The following PIAS3 variants were observed in gnomAD, a reference collection of about 807,000 sequenced individuals.
PIAS3 encodes the protein protein inhibitor of activated STAT 3.
Under a neutral mutation model 67.6 loss-of-function variants are expected in PIAS3, and 34 were observed. The observed-to-expected ratio is 0.50, with a 90% CI of 0.38 to 0.67. The LOEUF (loss-of-function observed/expected upper bound fraction) is 0.67. Among genes scored for constraint, PIAS3 ranks in the 30% least tolerant of loss-of-function variants. PIAS3 has a pLI of 0.00. For missense variants in PIAS3, 693 were observed against 791.6 expected, an observed-to-expected ratio of 0.88 and a Z score of 1.49; for synonymous variants, 341 against 313.8, an observed-to-expected ratio of 1.09 and a Z score of -0.92.
At position 145,849,128 on chromosome 1, in the gene PIAS3, C is replaced by T. The variant is rs1553733474; in HGVS notation, c.*318G>A. 1.3e-5 allele frequency: 3 copies of T among 229,148 alleles called. No individual in the cohort carries two copies. The highest frequency in any genetic ancestry group is 2.5e-5 in the Non-Finnish European group (3 of 118,676). The allele number at this position is 229,148 out of a possible 1,614,324, so 14.2% of individuals were successfully genotyped here. A position where few individuals can be genotyped will look rare whatever the true frequency, so the allele number is the denominator to read the frequency against. On this transcript the variant is annotated 3_prime_UTR_variant, in exon 14 of 14. Transcript: ENST00000393045. ...CAAGAGGCTCTAGACATAGTCAAGG[C>T]TGAGGGTTCAGCCCTTCTCCTAGCT...
chr1:145,853,664 G>A lies in PIAS3; in HGVS notation c.985C>T (p.Leu329=). The part of the protein sequence containing the change: ...TSLRVSLMCP[L]GKMRLTVPCR... Reference sequence around the variant, plus strand: ...GGGACAGTCAGGCGCATCTTCCCTAGCTGAGGAGAAGCAAGTTCTCTTGTC... The same window carrying A: ...GGGACAGTCAGGCGCATCTTCCCTAACTGAGGAGAAGCAAGTTCTCTTGTC... Residue 329 remains leucine, a splice_region_variant and synonymous_variant, in exon 9 of 14, where the codon CTA becomes TTA. Coordinates refer to ENST00000393045, the MANE Select transcript of PIAS3 (RefSeq NM_006099.3). 6.2e-7 allele frequency: 1 copy of A among 1,613,474 alleles called. No homozygotes were observed. Among genetic ancestry groups the A allele is most frequent in the South Asian group, 1.1e-5 (1 of 91,036 alleles).
intron 3 of PIAS3, 66 bp from the exon 4 acceptor site, chr1:145,856,184 A>C (rs1194311243): frequency 9.1e-6 from 13 of 1,425,964 alleles, no homozygotes; most frequent in Non-Finnish European, 1.2e-5. Flanking sequence ...GTGAATGCAC[A>C]GAAAGGCTGA....
intron 4 of PIAS3, 70 bp downstream of exon 4, chr1:145,855,998 T>C (rs1570778252): frequency 7.8e-7 from 1 of 1,275,136 alleles, no homozygotes; most frequent in Non-Finnish European, 1.1e-6. Context: ...CTCGTAAGGG[T>C]ATCTGTCATA....
chr1:145,849,242 C>T lies in PIAS3; in HGVS notation c.*204G>A. On this transcript the variant is annotated 3_prime_UTR_variant, in exon 14 of 14. Transcript: ENST00000393045. ...CTAAAGAACATTTCCAGAAACAGAC[C>T]CCAGTGTCCTTAAAAAGAGGTTAAA... The T allele has an allele frequency of 2.4e-6, 1 of 421,150 alleles. No homozygotes were observed. Among genetic ancestry groups the T allele is most frequent in the Admixed American group, 4.4e-5 (1 of 22,602 alleles). The allele number at this position is 421,150 out of a possible 1,614,324, so 26.1% of individuals were successfully genotyped here.
chr1:145,853,256 A>G (rs1653030368), intron 9 of PIAS3, among the ~76,000 whole-genome samples: 1 of 151,994 alleles, frequency 6.6e-6, no homozygotes, highest in African/African-American at 2.4e-5. Flanking sequence ...CTAAAAATAC[A>G]AAAATTAGCC....
At chr1:145,858,662 C>A (rs1653290624) in intron 1 of PIAS3, among the ~76,000 whole-genome samples, 1 of 150,890 alleles carries the variant, frequency 6.6e-6, no homozygotes, top group Non-Finnish European at 1.5e-5. Flanking sequence ...CCCCCTGGCC[C>A]TACCCCAACA....
intron 3 of PIAS3, 63 bp downstream of exon 3, chr1:145,856,284 A>G: frequency 7.2e-7 from 1 of 1,392,746 alleles, no homozygotes; most frequent in Non-Finnish European, 1.0e-6. Flanking sequence ...AGCACAGGGC[A>G]GAAGAGAAGA....
At chr1:145,855,896 G>C in intron 4 of PIAS3, 70 bp from the exon 5 acceptor site, 1 of 1,160,550 alleles carries the variant, frequency 8.6e-7, no homozygotes, top group Non-Finnish European at 1.3e-6. Context: ...AGAGAGACAG[G>C]GAACCCCAGA....
At position 145,853,852 on chromosome 1, in the gene PIAS3, C is replaced by T. The variant is rs782265307; in HGVS notation, c.945G>A (p.Glu315=). 1.2e-6 allele frequency: 2 copies of T among 1,614,118 alleles called. No individual in the cohort carries two copies. The highest frequency in any genetic ancestry group is 2.2e-5 in the South Asian group (2 of 91,080). Residue 315 remains glutamate (E), a synonymous_variant, in exon 8 of 14, where the codon GAG becomes GAA. Coordinates refer to ENST00000393045, the MANE Select transcript of PIAS3 (RefSeq NM_006099.3). The part of the protein sequence containing the change: ...KEKLTADPDS[E]VATTSLRVSL... The stretch of plus-strand genomic sequence containing the variant: ...ACACCCGGAGACTTGTAGTGGCCAC[C>T]TCACTGTCAGGGTCAGCAGTCAATT...
At position 145,856,405 on chromosome 1, in the gene PIAS3, C is replaced by T; in HGVS notation, c.469G>A (p.Glu157Lys). 6.2e-7 allele frequency: 1 copy of T among 1,614,142 alleles called. No homozygotes were observed. Among genetic ancestry groups the T allele is most frequent in the East Asian group, 2.2e-5 (1 of 44,874 alleles). The part of the protein sequence containing the change: ...LASTSSQRFE[E>K]AHFTFALTPQ... ...GTGAGGGCAAAGGTAAAGTGCGCTT[C>T]CTCAAACCGCTGGCTAGAAGTGGAT... Residue 157 changes from glutamate to lysine, a missense_variant, in exon 3 of 14, where the codon GAA becomes AAA. Physicochemically the swap from Glu to Lys is moderately conservative, Grantham distance 56 (BLOSUM62 1). Coordinates refer to ENST00000393045, the MANE Select transcript of PIAS3 (RefSeq NM_006099.3).
At chr1:145,853,719 A>C in intron 8 of PIAS3, 55 bp from the exon 9 acceptor site, 1 of 1,609,450 alleles carries the variant, frequency 6.2e-7, no homozygotes, top group Non-Finnish European at 8.5e-7. Context: ...CATCCCAGAA[A>C]ACTTCACGCC....
At position 145,856,789 on chromosome 1, in the gene PIAS3, G is replaced by T. The variant is rs34310388; in HGVS notation, c.242C>A (p.Pro81His). Reference protein sequence around the residue: ...GPSDLSLLSLPPGTSPVGSPG... With the variant: ...GPSDLSLLSLHPGTSPVGSPG... ...GGAGCCTACAGGAGAGGTGCCAGGG[G>T]GCAAAGAGAGAAGGGAGAGATCAGA... is the stretch of plus-strand genomic sequence containing the variant. The change falls in exon 2 of 14, where the codon CCC becomes CAC. Residue 81 changes from proline to histidine, a missense_variant. By Grantham distance (77) the Pro-to-His change is moderately conservative. This residue lies in a region of PIAS3 where 308 missense variants were observed against 348.8 expected (regional missense o/e 0.88). Transcript: ENST00000393045. The T allele has an allele frequency of 1.0e-4, 161 of 1,614,134 alleles. No individual in the cohort carries two copies. The African/African-American group carries it at 1.7e-3, about 18-fold the overall frequency.
chr1:145,852,542 T>G (rs1197465997), intron 9 of PIAS3, among the ~76,000 whole-genome samples: 3 of 146,090 alleles, frequency 2.1e-5, no homozygotes, highest in African/African-American at 7.5e-5. Context: ...TCTCATAGGG[T>G]TTTTTTTTTT....
chr1:145,849,430 C>G lies in PIAS3; in HGVS notation c.*16G>C. The G allele has an allele frequency of 6.8e-7, 1 of 1,480,894 alleles. No homozygotes were observed. Among genetic ancestry groups the G allele is most frequent in the Non-Finnish European group, 8.9e-7 (1 of 1,120,978 alleles). 91.7% of individuals were successfully genotyped at this position (1,480,894 alleles called of 1,614,324 possible). ...TCAGTGTTGGGGGACAGCGAAGTTT[C>G]CATAATCCAGGGAACTCAGTCCAGG... is the stretch of plus-strand genomic sequence containing the variant. On this transcript the variant is annotated 3_prime_UTR_variant, in exon 14 of 14. Coordinates refer to ENST00000393045, the MANE Select transcript of PIAS3 (RefSeq NM_006099.3).
intron 7 of PIAS3, 176 bp downstream of exon 7, chr1:145,854,281 TC>T: frequency 1.6e-6 from 1 of 612,070 alleles, no homozygotes; most frequent in Non-Finnish European, 2.9e-6. Context: ...CTGGGAGTGG[TC>T]CAACTTCAAC....
chr1:145,858,163 CAT>C (rs1302596402), intron 1 of PIAS3, among the ~76,000 whole-genome samples: 1 of 152,110 alleles, frequency 6.6e-6, no homozygotes, highest in Non-Finnish European at 1.5e-5. Flanking sequence ...GAGATCCTGT[CAT>C]GTGCAGGGCT....
intron 11 of PIAS3, 55 bp from the exon 12 acceptor site, chr1:145,850,641 C>G: frequency 6.2e-7 from 1 of 1,603,750 alleles, no homozygotes; most frequent in Non-Finnish European, 8.5e-7. Context: ...CCTCACCCAG[C>G]TCAGGTCCCC....
chr1:145,858,671 C>A (rs1653290971), intron 1 of PIAS3, among the ~76,000 whole-genome samples: 1 of 148,658 alleles, frequency 6.7e-6, no homozygotes, highest in Non-Finnish European at 1.5e-5. Flanking sequence ...CCTACCCCAA[C>A]AACCGCCCCT....
intron 9 of PIAS3, 46 bp downstream of exon 9, chr1:145,853,458 A>T: frequency 7.6e-7 from 1 of 1,319,978 alleles, no homozygotes; most frequent in Non-Finnish European, 1.0e-6. Flanking sequence ...CCAAGAAAAG[A>T]GGTTCTAGTG....
Sources: allele counts gnomAD v4.1 joint callset (sites outside exome capture counted in the v4.1 genomes callset), GRCh38; gene constraint gnomAD v4.1.1; regional missense constraint gnomAD v4.1.1; transcripts MANE v1.5; gene names NCBI Gene and HGNC (gene_info 2026-07-23, HGNC 2026-07-21).